The following ANKRD31 variants were observed in gnomAD, a reference collection of about 807,000 sequenced individuals.
The protein encoded by ANKRD31 is ankyrin repeat domain-containing protein 31.
A neutral mutation model predicts 186.0 loss-of-function variants in ANKRD31; 147 were observed. The observed-to-expected ratio is 0.79, with a 90% CI of 0.69 to 0.91. ANKRD31 has a LOEUF of 0.91. Among genes scored for constraint, ANKRD31 ranks in the 40% least tolerant of loss-of-function variants. ANKRD31 has a pLI of 0.00. For missense variants in ANKRD31, 1,986 were observed against 2,148.8 expected, an observed-to-expected ratio of 0.92 and a Z score of 1.50; for synonymous variants, 673 against 736.4, an observed-to-expected ratio of 0.91 and a Z score of 1.39.
chr5:75,115,156 G>T (rs1348637643), intron 19 of ANKRD31, among the ~76,000 whole-genome samples: 1 of 150,664 alleles, frequency 6.6e-6, no homozygotes. Context: ...AAGCAATGGG[G>T]AAAGGATTCC....
chr5:75,130,862 G>T (rs1328131091), intron 17 of ANKRD31, among the ~76,000 whole-genome samples: 1 of 152,188 alleles, frequency 6.6e-6, no homozygotes, highest in Admixed American at 6.5e-5. Context: ...CCTCTCACTG[G>T]CACTCACCAC....
intron 17 of ANKRD31, among the ~76,000 whole-genome samples, chr5:75,129,683 T>C (rs1266964905): frequency 6.6e-6 from 1 of 152,188 alleles, no homozygotes; most frequent in Admixed American, 6.5e-5. Flanking sequence ...GATGGCTGAA[T>C]AGGAAAAGCT....
rs142513058 is a variant in ANKRD31 at position 75,218,098 on chromosome 5, G to A, written c.288+4151C>T. Among the ~76,000 whole-genome samples the A allele has an allele frequency of 9.5e-3, 1,449 of 152,224 alleles. 26 individuals carry two copies. Among genetic ancestry groups the A allele is most frequent in the African/African-American group, 0.033 (1,375 of 41,546 alleles). The stretch of plus-strand genomic sequence containing the variant: ...AGAGAAGAAATATCCAAAAATCAGA[G>A]CTGAACTGAAGGAGACAGAAACATG... On this transcript the variant is annotated intron_variant, in intron 3 of 25. Coordinates refer to ENST00000506364, the MANE Select transcript of ANKRD31 (RefSeq NM_001372053.1).
chr5:75,167,596 A>G (rs1580468043), intron 11 of ANKRD31, among the ~76,000 whole-genome samples: 1 of 152,200 alleles, frequency 6.6e-6, no homozygotes, highest in African/African-American at 2.4e-5. Context: ...GGATTGCAAG[A>G]GGGAATGCAG....
rs1169376853 is a variant in ANKRD31, at chr5:75,168,994, C to T, written c.1692G>A (p.Met564Ile). ...YQITPLHDAV[M>I]NGHYKVAELL... is the part of the protein sequence containing the mutation. ...ATCACAGTACCTTATAATGTCCATT[C>T]ATCACTGCATCATGTAGGGGAGTAA... Residue 564 changes from methionine (M) to isoleucine (I), a missense_variant, in exon 11 of 26, where the codon ATG (methionine) becomes ATA (isoleucine). Transcript: ENST00000506364. The T allele has an allele frequency of 2.6e-6, 4 of 1,535,784 alleles. No homozygotes were observed. The highest frequency in any genetic ancestry group is 1.4e-5 in the African/African-American group (1 of 72,990).
rs55831869 is a variant in ANKRD31 at position 75,140,286 on chromosome 5, A to AAAGGAAGGAAGGAAGGAAGGAAGG, written c.3596-1327_3596-1304dup. ...AGGAAGGAAAGAGAGAGAGAGAAAG[A>AAAGGAAGGAAGGAAGGAAGGAAGG]AAGGAAGGAAGGAAGGAAGGAAGGA... On this transcript the variant is annotated intron_variant, in intron 15 of 25. Transcript: ENST00000506364. Among the ~76,000 whole-genome samples the AAAGGAAGGAAGGAAGGAAGGAAGG allele has an allele frequency of 2.2e-3, 307 of 140,942 alleles. 3 individuals are homozygous for AAAGGAAGGAAGGAAGGAAGGAAGG. Among genetic ancestry groups the AAAGGAAGGAAGGAAGGAAGGAAGG allele is most frequent in the Admixed American group, 4.4e-3 (60 of 13,742 alleles). The allele number at this position is 140,942 out of a possible 152,430, so 92.5% of individuals were successfully genotyped here. A position where few individuals can be genotyped will look rare whatever the true frequency, so the allele number is the denominator to read the frequency against.
At chr5:75,096,450 G>A (rs192737765) in intron 22 of ANKRD31, among the ~76,000 whole-genome samples, 581 of 152,018 alleles carry the variant, frequency 3.8e-3, no homozygotes, top group African/African-American at 0.013. Context: ...TTTTTCTCCC[G>A]TTCTGTAGGT....
chr5:75,221,667 T>G (rs1444733045), intron 3 of ANKRD31, among the ~76,000 whole-genome samples: 2 of 152,112 alleles, frequency 1.3e-5, no homozygotes, highest in Admixed American at 1.3e-4. Flanking sequence ...TATACATGAA[T>G]TTTTTTCAAC....
At chr5:75,196,292 G>A in intron 6 of ANKRD31, 92 bp from the exon 7 acceptor site, 7 of 1,028,282 alleles carry the variant, frequency 6.8e-6, no homozygotes, top group South Asian at 3.1e-5. Context: ...TATCTTGTTT[G>A]TAAGCTACCC....
rs549913371 is a variant in ANKRD31 at position 75,095,192 on chromosome 5, G to A, written c.5332-3791C>T. 4.6e-5 allele frequency among the ~76,000 whole-genome samples: 7 copies of A among 152,164 alleles called. No homozygotes were observed. The South Asian group carries it at 8.3e-4, about 18-fold the overall frequency. On this transcript the variant is annotated intron_variant, in intron 22 of 25. Transcript: ENST00000506364. ...AATATTAAATAAAAAATTCTTGGCCGGGCATGGTGGCTCATGCCTGTAATC... is the reference window on the plus strand; with the variant it reads ...AATATTAAATAAAAAATTCTTGGCCAGGCATGGTGGCTCATGCCTGTAATC...
intron 7 of ANKRD31, among the ~76,000 whole-genome samples, chr5:75,194,082 C>G (rs1378579136): frequency 1.3e-5 from 2 of 152,060 alleles, no homozygotes; most frequent in African/African-American, 4.8e-5. Context: ...TTGTTCTTTC[C>G]CTTAATAATT....
intron 17 of ANKRD31, among the ~76,000 whole-genome samples, chr5:75,132,352 C>A (rs183661060): frequency 1.3e-4 from 20 of 152,162 alleles, no homozygotes; most frequent in Non-Finnish European, 2.5e-4. Context: ...AACCATGGCA[C>A]GAGAATTATG....
Position 75,068,658 on chromosome 5 carries a change from G to T in ANKRD31, c.5654C>A (p.Ser1885Tyr), listed in dbSNP as rs1217541221. Residue 1885 changes from serine (S) to tyrosine (Y), a missense_variant, in exon 26 of 26, where the codon TCC becomes TAC. By Grantham distance (144) the Ser-to-Tyr change is moderately radical (BLOSUM62 -2). Transcript: ENST00000506364. Reference protein sequence around the residue: ...FEKTKFGQGTSRESMQSSPRY... With the variant: ...FEKTKFGQGTYRESMQSSPRY... ...TGGGCTGCTTTGCATTGACTCTCTGGAAGTTCCTGTTTAAAGAAGTATCAA... is the reference window on the plus strand; with the variant it reads ...TGGGCTGCTTTGCATTGACTCTCTGTAAGTTCCTGTTTAAAGAAGTATCAA... 6.7e-7 allele frequency: 1 copy of T among 1,491,778 alleles called. No individual in the cohort carries two copies. The highest frequency in any genetic ancestry group is 8.9e-7 in the Non-Finnish European group (1 of 1,128,318). The allele number at this position is 1,491,778 out of a possible 1,614,324, so 92.4% of individuals were successfully genotyped here.
At chr5:75,150,505 G>A (rs1357406666) in intron 12 of ANKRD31, among the ~76,000 whole-genome samples, 1 of 151,928 alleles carries the variant, frequency 6.6e-6, no homozygotes, top group Non-Finnish European at 1.5e-5. Flanking sequence ...GAATTTGAAA[G>A]TTTAAACTTA....
At chr5:75,174,333 C>T (rs781432038) in intron 10 of ANKRD31, among the ~76,000 whole-genome samples, 9 of 152,090 alleles carry the variant, frequency 5.9e-5, no homozygotes, top group African/African-American at 1.4e-4. Context: ...AACTTCATGA[C>T]GACAACACCA....
chr5:75,112,250 A>G (rs897552799), intron 20 of ANKRD31, among the ~76,000 whole-genome samples: 2 of 152,124 alleles, frequency 1.3e-5, no homozygotes, highest in African/African-American at 2.4e-5. Flanking sequence ...GCCAGCATCT[A>G]GAAGTATCTT....
intron 23 of ANKRD31, among the ~76,000 whole-genome samples, chr5:75,090,930 C>G (rs575890710): frequency 6.6e-6 from 1 of 152,234 alleles, no homozygotes; most frequent in South Asian, 2.1e-4. Flanking sequence ...ATTTTCCATA[C>G]AAAGACCTGA....
At chr5:75,106,652 G>C in intron 21 of ANKRD31, among the ~76,000 whole-genome samples, 1 of 151,864 alleles carries the variant, frequency 6.6e-6, no homozygotes, top group Non-Finnish European at 1.5e-5. Flanking sequence ...TCCAGGTATA[G>C]TACATGGTTA....
At chr5:75,224,050 T>C (rs937946223) in intron 2 of ANKRD31, among the ~76,000 whole-genome samples, 2 of 149,542 alleles carry the variant, frequency 1.3e-5, no homozygotes, top group African/African-American at 4.9e-5. Context: ...CAGTCTATAG[T>C]TTTGTTATAG....
Sources: gnomAD v4.1 joint callset for allele counts (sites outside exome capture counted in the v4.1 genomes callset) on GRCh38, gnomAD v4.1.1 for gene constraint, MANE v1.5 for transcripts, NCBI Gene and HGNC (gene_info 2026-07-23, HGNC 2026-07-21) for gene names.